Variants in DGKI observed in about 807,000 individuals in gnomAD.
DGKI encodes DAG kinase iota.
DGKI carries 55 observed loss-of-function variants against 147.5 expected under a neutral mutation model. The observed-to-expected ratio is 0.37, with a 90% confidence interval of 0.30 to 0.47. The LOEUF is 0.47. Among genes scored for constraint, DGKI ranks in the 20% least tolerant of loss-of-function variants. The pLI is 1.00. For missense variants in DGKI, 1,007 were observed against 1,323.8 expected, an observed-to-expected ratio of 0.76 and a Z score of 3.71; for synonymous variants, 469 against 477.1, an observed-to-expected ratio of 0.98 and a Z score of 0.22.
chr7:137,840,638 C>T (rs557435006), intron 1 of DGKI, among the ~76,000 whole-genome samples: 4 of 152,334 alleles, frequency 2.6e-5, no homozygotes, highest in South Asian at 4.1e-4. Context: ...ATGGCTGATG[C>T]AGGTACGCAA....
chr7:137,777,791 A>T (rs10234540), intron 1 of DGKI, among the ~76,000 whole-genome samples: 3,367 of 152,248 alleles, frequency 0.022, 143 homozygotes, highest in African/African-American at 0.078. Context: ...TAACTGAGGC[A>T]TTTCTGTGGT....
At chr7:137,595,882 G>T (rs2128987432) in intron 12 of DGKI, among the ~76,000 whole-genome samples, 1 of 151,544 alleles carries the variant, frequency 6.6e-6, no homozygotes, top group East Asian at 1.9e-4. Flanking sequence ...CGTGCCTGTA[G>T]TCCCAACTAC....
chr7:137,437,088 C>T (rs1813315014), intron 28 of DGKI, among the ~76,000 whole-genome samples: 2 of 152,124 alleles, frequency 1.3e-5, no homozygotes, highest in Admixed American at 6.6e-5. Context: ...ACTTTGGGAT[C>T]AGGAACAAGT....
At chr7:137,791,854 A>G (rs1470596376) in intron 1 of DGKI, among the ~76,000 whole-genome samples, 1 of 152,236 alleles carries the variant, frequency 6.6e-6, no homozygotes, top group Non-Finnish European at 1.5e-5. Flanking sequence ...TTATGCTGTC[A>G]AATTATCATG....
intron 12 of DGKI, among the ~76,000 whole-genome samples, chr7:137,595,020 G>A (rs2128987046): frequency 6.6e-6 from 1 of 152,304 alleles, no homozygotes. Context: ...AAGTGGCCAT[G>A]GGGCACCCAA....
At chr7:137,498,659 G>T (rs1181798513) in intron 21 of DGKI, among the ~76,000 whole-genome samples, 2 of 152,108 alleles carry the variant, frequency 1.3e-5, no homozygotes, top group African/African-American at 4.8e-5. Context: ...GACTTTTACA[G>T]ATAACCCAAA....
At chr7:137,698,194 A>T (rs1256661558) in intron 1 of DGKI, among the ~76,000 whole-genome samples, 2 of 151,932 alleles carry the variant, frequency 1.3e-5, no homozygotes, top group Non-Finnish European at 2.9e-5. Flanking sequence ...AGATAGATCC[A>T]TATCCTGGAA....
chr7:137,552,349 T>C lies in DGKI; in HGVS notation c.2147+20A>G, dbSNP rs1395591602. The stretch of plus-strand genomic sequence containing the variant: ...TCCAAGGTCTTCATGTTAAGCAAGG[T>C]AGGCCATGAGCAGACTCACTCATTG... On this transcript the variant is annotated intron_variant, in intron 20 of 32. Transcript: ENST00000614521. 2 of 1,611,978 alleles carry C rather than the reference T, an allele frequency of 1.2e-6. No homozygotes were observed. The highest frequency in any genetic ancestry group is 1.7e-5 in the Admixed American group (1 of 60,008).
chr7:137,561,709 A>T (rs1205615427), intron 19 of DGKI, among the ~76,000 whole-genome samples: 2 of 151,962 alleles, frequency 1.3e-5, no homozygotes, highest in Non-Finnish European at 2.9e-5. Flanking sequence ...ATAAATTAAA[A>T]TTTTGATTTT....
intron 26 of DGKI, among the ~76,000 whole-genome samples, chr7:137,465,685 G>A (rs1814626544): frequency 2.0e-5 from 3 of 152,210 alleles, no homozygotes; most frequent in Admixed American, 6.5e-5. Context: ...AGGAAGGGTT[G>A]CTGTGATGGG....
At chr7:137,586,882 C>G (rs1254915476) in intron 13 of DGKI, among the ~76,000 whole-genome samples, 1 of 152,180 alleles carries the variant, frequency 6.6e-6, no homozygotes, top group Non-Finnish European at 1.5e-5. Context: ...CTATATTTCT[C>G]TCATACCAAG....
At chr7:137,436,791 G>A (rs112992172) in intron 28 of DGKI, among the ~76,000 whole-genome samples, 4 of 146,168 alleles carry the variant, frequency 2.7e-5, no homozygotes, top group African/African-American at 1.1e-4. Context: ...GTATAAAGGC[G>A]GTAAATATAA....
In DGKI at chr7:137,444,066, A is replaced by C. The variant is rs758071684; in HGVS notation, c.2761+11T>G. On this transcript the variant is annotated intron_variant, in intron 28 of 32. Coordinates refer to ENST00000614521, the MANE Select transcript of DGKI (RefSeq NM_001321708.2). ...TCCTGAATTGGTATAAATAAGACAG[A>C]TGATTCTTACCATGATCTTCTGAAG... The C allele has an allele frequency of 2.6e-6, 4 of 1,562,566 alleles. No individual in the cohort carries two copies. In the African/African-American group the frequency reaches 5.5e-5, roughly 21 times the overall value.
intron 19 of DGKI, among the ~76,000 whole-genome samples, chr7:137,565,983 T>C (rs1818570306): frequency 6.6e-6 from 1 of 151,740 alleles, no homozygotes; most frequent in Non-Finnish European, 1.5e-5. Flanking sequence ...TTCAAAGCTC[T>C]CTTATAATAA....
intron 12 of DGKI, among the ~76,000 whole-genome samples, chr7:137,592,132 C>T (rs540455252): frequency 2.0e-5 from 3 of 152,260 alleles, no homozygotes; most frequent in Non-Finnish European, 2.9e-5. Flanking sequence ...TACAGTAATC[C>T]GGAACCCGTT....
intron 1 of DGKI, among the ~76,000 whole-genome samples, chr7:137,786,434 G>A (rs1356192168): frequency 6.6e-6 from 1 of 151,962 alleles, no homozygotes; most frequent in African/African-American, 2.4e-5. Flanking sequence ...ACCTCTACAA[G>A]GAAAACTACA....
At chr7:137,767,467 G>GA (rs1796045845) in intron 1 of DGKI, among the ~76,000 whole-genome samples, 1 of 140,170 alleles carries the variant, frequency 7.1e-6, no homozygotes, top group African/African-American at 2.8e-5. Context: ...AAAGAGAAGA[G>GA]AAGGGAAGAG....
chr7:137,622,931 C>T lies in DGKI; in HGVS notation c.876+552G>A, dbSNP rs1162871855. 2.0e-5 allele frequency among the ~76,000 whole-genome samples: 3 copies of T among 152,204 alleles called. No homozygotes were observed. In the East Asian group the frequency reaches 5.8e-4, roughly 29 times the overall value. ...TATGTTCAAATGTAAGAAAGAGCTA[C>T]ATTTCAATGAGTGTACAGACAACAT... is the stretch of plus-strand genomic sequence containing the variant. On this transcript the variant is annotated intron_variant, in intron 7 of 32. Coordinates refer to ENST00000614521, the MANE Select transcript of DGKI (RefSeq NM_001321708.2).
At chr7:137,497,835 C>A (rs1394005274) in intron 21 of DGKI, among the ~76,000 whole-genome samples, 2 of 152,022 alleles carry the variant, frequency 1.3e-5, no homozygotes, top group East Asian at 1.9e-4. Context: ...ACGTGACAAT[C>A]AAAAAATTGC....
Sources: gnomAD v4.1 joint callset for allele counts (sites outside exome capture counted in the v4.1 genomes callset) on GRCh38, gnomAD v4.1.1 for gene constraint, MANE v1.5 for transcripts, NCBI Gene and HGNC (gene_info 2026-07-23, HGNC 2026-07-21) for gene names.